The following EPHA6 variants were observed in gnomAD, a reference collection of about 807,000 sequenced individuals.
EPHA6 encodes EPH receptor A6.
In EPHA6, 50 loss-of-function variants were observed where a neutral mutation model predicts 112.0. The ratio of observed to expected loss-of-function variants is 0.45; its 90% CI spans 0.36 to 0.56. The LOEUF is 0.56. EPHA6 is among the 20% of genes least tolerant of loss of function. The probability of loss-of-function intolerance (pLI) is 0.00; values close to 1 mark genes in which losing one functional copy is unlikely to be tolerated. For synonymous variants in EPHA6, 529 were observed against 490.7 expected (o/e 1.08, Z -1.03); for missense variants, 1,280 against 1,417.4 (o/e 0.90, Z 1.56).
chr3:97,069,978 T>C (rs2046303305), intron 3 of EPHA6, among the ~76,000 whole-genome samples: 1 of 152,132 alleles, frequency 6.6e-6, no homozygotes, highest in African/African-American at 2.4e-5. Flanking sequence ...TCAAGCTGTG[T>C]GGTCTTGCTC....
intron 8 of EPHA6, among the ~76,000 whole-genome samples, chr3:97,477,496 GGAA>G (rs1289691837): frequency 2.6e-5 from 4 of 150,950 alleles, no homozygotes; most frequent in Non-Finnish European, 5.9e-5. Flanking sequence ...AGGGAGGAAA[GGAA>G]GGAGAGAAAG....
intron 5 of EPHA6, among the ~76,000 whole-genome samples, chr3:97,286,335 C>A (rs894825059): frequency 2.6e-5 from 4 of 152,028 alleles, no homozygotes; most frequent in Non-Finnish European, 4.4e-5. Context: ...GAAATTTGTT[C>A]TTTATGTTTT....
chr3:97,643,592 G>C (rs1408022181), intron 14 of EPHA6, among the ~76,000 whole-genome samples: 1 of 149,506 alleles, frequency 6.7e-6, no homozygotes, highest in African/African-American at 2.5e-5. Flanking sequence ...AAAGGATGGA[G>C]GAAGATCTAC....
intron 12 of EPHA6, among the ~76,000 whole-genome samples, chr3:97,599,584 C>T (rs1362058877): frequency 8.6e-5 from 13 of 151,142 alleles, no homozygotes; most frequent in Non-Finnish European, 1.0e-4. Flanking sequence ...TGTAGGTATG[C>T]GGCGTTATTT....
At chr3:97,489,732 G>T (rs529525866) in intron 10 of EPHA6, among the ~76,000 whole-genome samples, 47 of 151,694 alleles carry the variant, frequency 3.1e-4, no homozygotes, top group Non-Finnish European at 5.2e-4. Context: ...TTATATTTAG[G>T]AGGTTATATT....
intron 3 of EPHA6, among the ~76,000 whole-genome samples, chr3:97,096,620 G>T (rs1037719052): frequency 2.3e-4 from 35 of 151,734 alleles, no homozygotes; most frequent in African/African-American, 8.0e-4. Context: ...AGTGAGACAT[G>T]GGAGAAAAAA....
intron 10 of EPHA6, among the ~76,000 whole-genome samples, chr3:97,484,931 A>G (rs2091660403): frequency 6.6e-6 from 1 of 152,226 alleles, no homozygotes; most frequent in Non-Finnish European, 1.5e-5. Context: ...TTCACATCTC[A>G]ATGGTCCAAA....
At chr3:97,451,445 C>T (rs568230344) in intron 7 of EPHA6, among the ~76,000 whole-genome samples, 38 of 151,518 alleles carry the variant, frequency 2.5e-4, no homozygotes, top group African/African-American at 8.0e-4. Flanking sequence ...AGGAATGCCG[C>T]GAAAATGACT....
At chr3:97,445,215 C>T (rs1219635864) in intron 6 of EPHA6, among the ~76,000 whole-genome samples, 1 of 152,078 alleles carries the variant, frequency 6.6e-6, no homozygotes, top group Non-Finnish European at 1.5e-5. Context: ...TTTCTGTGCT[C>T]ATCCGAGGAG....
rs532683742 is a variant in EPHA6, at chr3:97,754,536, A to T, written c.*5835A>T. On this transcript the variant is annotated 3_prime_UTR_variant, in exon 18 of 18. Coordinates refer to ENST00000389672, the MANE Select transcript of EPHA6 (RefSeq NM_001080448.3). Reference sequence around the variant, plus strand: ...TGGCAATCCAAAATTACATTTTAAAATGAAAAAAAGAGAAAACTTTTCAAT... The same window carrying T: ...TGGCAATCCAAAATTACATTTTAAATTGAAAAAAAGAGAAAACTTTTCAAT... 6.6e-6 allele frequency among the ~76,000 whole-genome samples: 1 copy of T among 152,230 alleles called. No homozygotes were observed. The highest frequency in any genetic ancestry group is 1.5e-5 in the Non-Finnish European group (1 of 68,036).
chr3:97,431,574 A>G (rs562744132), intron 6 of EPHA6, among the ~76,000 whole-genome samples: 58 of 152,232 alleles, frequency 3.8e-4, no homozygotes, highest in African/African-American at 1.3e-3. Flanking sequence ...TTTATGGATA[A>G]ACCACAGCAG....
chr3:97,536,792 T>C (rs896293094), intron 11 of EPHA6, among the ~76,000 whole-genome samples: 3 of 152,190 alleles, frequency 2.0e-5, no homozygotes, highest in African/African-American at 7.2e-5. Context: ...CTATGACATC[T>C]GCTGCTCTAC....
At chr3:97,363,325 A>G (rs1468455867) in intron 5 of EPHA6, among the ~76,000 whole-genome samples, 1 of 149,036 alleles carries the variant, frequency 6.7e-6, no homozygotes, top group Non-Finnish European at 1.5e-5. Context: ...AATCCTAACT[A>G]AGTTTTAAGC....
At chr3:97,156,628 A>C (rs1351645471) in intron 3 of EPHA6, among the ~76,000 whole-genome samples, 1 of 152,172 alleles carries the variant, frequency 6.6e-6, no homozygotes. Flanking sequence ...ATTTGCTTCC[A>C]TATAGTTTTT....
chr3:97,479,417 G>GTT (rs2091468107), intron 9 of EPHA6, 53 bp downstream of exon 9: 7 of 1,253,088 alleles, frequency 5.6e-6, no homozygotes, highest in Admixed American at 2.5e-5. Context: ...CAGCACTTCA[G>GTT]GAGTTCATTC....
intron 14 of EPHA6, among the ~76,000 whole-genome samples, chr3:97,699,970 T>A (rs931684988): frequency 2.6e-5 from 4 of 152,324 alleles, no homozygotes; most frequent in African/African-American, 9.6e-5. Context: ...GAATTTTAAA[T>A]GATGATGCTT....
chr3:97,049,266 G>A (rs1213363805), intron 3 of EPHA6, among the ~76,000 whole-genome samples: 1 of 152,138 alleles, frequency 6.6e-6, no homozygotes, highest in Non-Finnish European at 1.5e-5. Context: ...CATCTCTCTG[G>A]CTACTGTTTT....
chr3:97,736,396 G>A (rs965062323), intron 16 of EPHA6, among the ~76,000 whole-genome samples: 1 of 150,340 alleles, frequency 6.7e-6, no homozygotes, highest in Non-Finnish European at 1.5e-5. Context: ...TTGGGTCTTT[G>A]ATATTTACAT....
At chr3:97,085,198 T>C (rs1332172414) in intron 3 of EPHA6, among the ~76,000 whole-genome samples, 1 of 152,132 alleles carries the variant, frequency 6.6e-6, no homozygotes, top group Non-Finnish European at 1.5e-5. Flanking sequence ...TATCAGAAGG[T>C]ACCTTATACA....
Sources: gnomAD v4.1 joint callset for allele counts (sites outside exome capture counted in the v4.1 genomes callset) on GRCh38, gnomAD v4.1.1 for gene constraint, MANE v1.5 for transcripts, NCBI Gene and HGNC (gene_info 2026-07-23, HGNC 2026-07-21) for gene names.